CD226: variants seen among roughly 807,000 people sequenced by gnomAD.
CD226 encodes CD226 molecule.
In CD226, 24 loss-of-function variants were observed where a neutral mutation model predicts 34.9. The observed-to-expected ratio is 0.69, with a 90% CI of 0.50 to 0.97. The LOEUF (loss-of-function observed/expected upper bound fraction) is 0.97, where lower values mean the gene tolerates loss of function less well. CD226 is among the 50% of genes least tolerant of loss of function. CD226 has a pLI of 0.00. For synonymous variants in CD226, 148 were observed against 147.4 expected (o/e 1.00, Z -0.03); for missense variants, 397 against 412.7 (o/e 0.96, Z 0.33).
chr18:69,868,770 C>T (rs549968010), intron 4 of CD226, among the ~76,000 whole-genome samples: 4 of 151,820 alleles, frequency 2.6e-5, no homozygotes, highest in South Asian at 2.1e-4. Context: ...CCCAAATGCA[C>T]GCACATGCAC....
intron 3 of CD226, among the ~76,000 whole-genome samples, chr18:69,874,925 G>A (rs1362551276): frequency 1.3e-5 from 2 of 151,876 alleles, no homozygotes; most frequent in Admixed American, 1.3e-4. Context: ...TTTTTTAAAG[G>A]GTTAATAGTA....
chr18:69,918,321 G>T (rs567814748), intron 2 of CD226, among the ~76,000 whole-genome samples: 2 of 152,332 alleles, frequency 1.3e-5, no homozygotes, highest in South Asian at 4.1e-4. Flanking sequence ...GGGAGGCCGA[G>T]GCAGGTGGAT....
chr18:69,895,695 A>G lies in CD226; in HGVS notation c.727+6T>C. The stretch of plus-strand genomic sequence containing the variant: ...TGATACCAGAAGATGTCTGGTGCTC[A>G]CTCACCCTCGGCTACAGTCAATCTC... On this transcript the variant is annotated splice_donor_region_variant and intron_variant, in intron 3 of 5. Coordinates refer to ENST00000582621, the MANE Select transcript of CD226 (RefSeq NM_001303618.2). 6.2e-7 allele frequency: 1 copy of G among 1,602,680 alleles called. No homozygotes were observed. Among genetic ancestry groups the G allele is most frequent in the South Asian group, 1.1e-5 (1 of 90,830 alleles).
chr18:69,870,928 G>A (rs1983482998), intron 4 of CD226, among the ~76,000 whole-genome samples: 1 of 152,168 alleles, frequency 6.6e-6, no homozygotes, highest in African/African-American at 2.4e-5. Flanking sequence ...CTAGTGACGA[G>A]GCAGAAGGAA....
At chr18:69,894,041 G>C (rs1985059544) in intron 3 of CD226, among the ~76,000 whole-genome samples, 1 of 151,724 alleles carries the variant, frequency 6.6e-6, no homozygotes, top group African/African-American at 2.4e-5. Context: ...AAATTAGCTG[G>C]CTGAAAGCAT....
intron 2 of CD226, among the ~76,000 whole-genome samples, chr18:69,931,088 A>G (rs578046630): frequency 1.1e-4 from 16 of 152,338 alleles, no homozygotes; most frequent in African/African-American, 3.8e-4. Context: ...TTGTAGGGAC[A>G]TGGATGAAAC....
At chr18:69,868,133 TAGAAGAGAAAATACCAG>T (rs1173644340) in intron 4 of CD226, among the ~76,000 whole-genome samples, 1 of 152,118 alleles carries the variant, frequency 6.6e-6, no homozygotes, top group Admixed American at 6.5e-5. Flanking sequence ...AGGGGAATCA[TAGAAGAGAAAATACCAG>T]AGAAGAAGAA....
In CD226 at chr18:69,924,123, A is replaced by G. The variant is rs543656992; in HGVS notation, c.382+22611T>C. The stretch of plus-strand genomic sequence containing the variant: ...AGAAACGAGCTTCTTGAATTATACC[A>G]TAGACCACCGAGCCAACGTCATAGA... On this transcript the variant is annotated intron_variant, in intron 2 of 5. Transcript: ENST00000582621. Among the ~76,000 whole-genome samples, 148 of 152,116 alleles carry G rather than the reference A, an allele frequency of 9.7e-4. 1 individual carries two copies. Among genetic ancestry groups the G allele is most frequent in the African/African-American group, 3.4e-3 (142 of 41,494 alleles).
In CD226 at chr18:69,862,364, T is replaced by G. The variant is rs1420562208; in HGVS notation, c.*1950A>C. 3 of 152,196 alleles carry G rather than the reference T, an allele frequency of 2.0e-5. No individual in the cohort carries two copies. Among genetic ancestry groups the G allele is most frequent in the Non-Finnish European group, 2.9e-5 (2 of 67,994 alleles). 9.4% of individuals were successfully genotyped at this position (152,196 alleles called of 1,614,324 possible). On this transcript the variant is annotated 3_prime_UTR_variant, in exon 6 of 6. Coordinates refer to ENST00000582621, the MANE Select transcript of CD226 (RefSeq NM_001303618.2). ...AAATTATTTACCTTTTAATTGATGCTAAGCTTGCTTCACCATGCAAACCAA... is the reference window on the plus strand; with the variant it reads ...AAATTATTTACCTTTTAATTGATGCGAAGCTTGCTTCACCATGCAAACCAA...
At chr18:69,892,746 C>T (rs1479600198) in intron 3 of CD226, among the ~76,000 whole-genome samples, 1 of 137,120 alleles carries the variant, frequency 7.3e-6, no homozygotes, top group African/African-American at 2.7e-5. Context: ...GGGAAGAGCC[C>T]CTCTCTGTGT....
intron 2 of CD226, among the ~76,000 whole-genome samples, chr18:69,932,669 A>G (rs1274568298): frequency 6.6e-6 from 1 of 152,218 alleles, no homozygotes; most frequent in East Asian, 1.9e-4. Flanking sequence ...TCCAGCTAAC[A>G]GCATGACCAC....
At chr18:69,893,339 T>A (rs543359056) in intron 3 of CD226, among the ~76,000 whole-genome samples, 1 of 152,330 alleles carries the variant, frequency 6.6e-6, no homozygotes, top group East Asian at 1.9e-4. Flanking sequence ...TACAAAGAAA[T>A]AGTTTTGTGC....
chr18:69,892,326 AT>A (rs1284273607), intron 3 of CD226, among the ~76,000 whole-genome samples: 4 of 152,210 alleles, frequency 2.6e-5, no homozygotes, highest in African/African-American at 7.2e-5. Context: ...TATTTGACAA[AT>A]TATTTTAGTG....
intron 3 of CD226, among the ~76,000 whole-genome samples, chr18:69,894,966 G>C (rs572024303): frequency 6.6e-6 from 1 of 152,064 alleles, no homozygotes; most frequent in African/African-American, 2.4e-5. Flanking sequence ...CAAATAGTGT[G>C]GTGCCTTGGA....
At chr18:69,878,937 A>G (rs1033681473) in intron 3 of CD226, among the ~76,000 whole-genome samples, 1 of 152,204 alleles carries the variant, frequency 6.6e-6, no homozygotes, top group African/African-American at 2.4e-5. Flanking sequence ...AAAGGGAAAG[A>G]GTACAAAAGA....
chr18:69,898,906 C>G (rs1049390076), intron 2 of CD226, among the ~76,000 whole-genome samples: 1 of 151,858 alleles, frequency 6.6e-6, no homozygotes, highest in Non-Finnish European at 1.5e-5. Flanking sequence ...AGTGGATTCA[C>G]GTGAAACAGA....
chr18:69,946,708 TAAAA>T, intron 2 of CD226, 22 bp downstream of exon 2: 1 of 1,238,292 alleles, frequency 8.1e-7, no homozygotes, highest in Non-Finnish European at 1.1e-6. Flanking sequence ...AAAAGGGATT[TAAAA>T]AAAAAAAAAA....
upstream of CD226, among the ~76,000 whole-genome samples, chr18:69,961,136 C>T (rs2055927603): frequency 6.6e-6 from 1 of 152,078 alleles, no homozygotes; most frequent in Non-Finnish European, 1.5e-5. Flanking sequence ...TCCAAAAGAA[C>T]AGCAAAATTT....
upstream of CD226, among the ~76,000 whole-genome samples, chr18:69,960,231 C>T (rs2055923324): frequency 6.9e-6 from 1 of 145,744 alleles, no homozygotes; most frequent in Non-Finnish European, 1.5e-5. Context: ...CAGAGCGAGA[C>T]TCCATCTTAA....
Sources: allele counts gnomAD v4.1 joint callset (sites outside exome capture counted in the v4.1 genomes callset), GRCh38; gene constraint gnomAD v4.1.1; transcripts MANE v1.5; gene names NCBI Gene and HGNC (gene_info 2026-07-23, HGNC 2026-07-21).